The following CYC1 variants were observed in gnomAD, a reference collection of about 807,000 sequenced individuals.
CYC1 encodes cytochrome c1, heme protein, mitochondrial.
In CYC1, 10 loss-of-function variants were observed where a neutral mutation model predicts 33.8. That is an observed-to-expected ratio of 0.30 (90% CI 0.18 to 0.50). The LOEUF (loss-of-function observed/expected upper bound fraction) is 0.50. Ranked by LOEUF, CYC1 falls within the 20% of genes least tolerant of loss-of-function variation. The pLI is 0.98. For synonymous variants in CYC1, 224 were observed against 181.9 expected, an observed-to-expected ratio of 1.23 and a Z score of -1.86; for missense variants, 459 against 437.6, an observed-to-expected ratio of 1.05 and a Z score of -0.44.
chr8:144,096,887 G>T, intron 5 of CYC1, 143 bp downstream of exon 5: 1 of 1,201,840 alleles, frequency 8.3e-7, no homozygotes, highest in Non-Finnish European at 1.2e-6. Flanking sequence ...GGAGGCTTTT[G>T]GGCTCCTTCA....
chr8:144,096,163 C>T lies in CYC1; in HGVS notation c.366C>T (p.Ala122=), dbSNP rs34079907. The change falls in exon 3 of 7, where the codon GCC becomes GCT. Residue 122 remains alanine, a synonymous_variant. Transcript: ENST00000318911. The stretch of plus-strand genomic sequence containing the variant: ...TCCAGGTATATAAGCAGGTGTGCGC[C>T]TCCTGCCACAGCATGGACTTCGTGG... ...RGFQVYKQVC[A]SCHSMDFVAY... is the part of the protein sequence containing the mutation. 21 of 1,613,808 alleles carry T rather than the reference C, an allele frequency of 1.3e-5. No homozygotes were observed. In the African/African-American group the frequency reaches 2.7e-4, roughly 21 times the overall value.
chr8:144,095,357 G>A, intron 1 of CYC1, 129 bp downstream of exon 1: 1 of 804,960 alleles, frequency 1.2e-6, no homozygotes, highest in Non-Finnish European at 1.6e-6. Flanking sequence ...CCCGGTCCCA[G>A]CTGCCTGCCG....
At position 144,097,153 on chromosome 8, in the gene CYC1, C is replaced by T; in HGVS notation, c.873+19C>T. The T allele has an allele frequency of 6.2e-7, 1 of 1,611,442 alleles. No homozygotes were observed. The highest frequency in any genetic ancestry group is 8.5e-7 in the Non-Finnish European group (1 of 1,178,186). ...GCTCAAGGTAAAAGGGTTGGGAGGC[C>T]ATGGTGGGTATCAGAGAAGGGCTGG... On this transcript the variant is annotated intron_variant, in intron 6 of 6. Coordinates refer to ENST00000318911, the MANE Select transcript of CYC1 (RefSeq NM_001916.5).
At position 144,096,663 on chromosome 8, in the gene CYC1, C is replaced by G. The variant is rs757346172; in HGVS notation, c.691C>G (p.Leu231Val). ...PPTGVSLREG[L>V]YFNPYFPGQA... ...CACCGGGGTGTCACTGCGGGAAGGTCTCTACTTCAACCCCTACTTTCCTGG... is the reference window on the plus strand; with the variant it reads ...CACCGGGGTGTCACTGCGGGAAGGTGTCTACTTCAACCCCTACTTTCCTGG... Residue 231 changes from leucine to valine, a missense_variant, in exon 5 of 7, where the codon CTC becomes GTC. Transcript: ENST00000318911. 6.2e-7 allele frequency: 1 copy of G among 1,614,054 alleles called. No individual in the cohort carries two copies. The highest frequency in any genetic ancestry group is 1.1e-5 in the South Asian group (1 of 91,086).
At position 144,095,956 on chromosome 8, in the gene CYC1, A is replaced by G. The variant is rs1836141789; in HGVS notation, c.253A>G (p.Ser85Gly). The G allele has an allele frequency of 1.9e-6, 3 of 1,608,196 alleles. No individual in the cohort carries two copies. The highest frequency in any genetic ancestry group is 2.2e-5 in the South Asian group (2 of 91,066). Reference protein sequence around the residue: ...AMALHSAVSASDLELHPPSYP... With the variant: ...AMALHSAVSAGDLELHPPSYP... ...GGCTCTGCATTCGGCTGTGAGTGCCAGTGACCTGGAGCTGCACCCCCCCAG... is the reference window on the plus strand; with the variant it reads ...GGCTCTGCATTCGGCTGTGAGTGCCGGTGACCTGGAGCTGCACCCCCCCAG... Residue 85 changes from serine (S) to glycine (G), a missense_variant, in exon 2 of 7, where the codon AGT becomes GGT. Coordinates refer to ENST00000318911, the MANE Select transcript of CYC1 (RefSeq NM_001916.5).
chr8:144,095,464 T>A, intron 1 of CYC1: 1 of 421,134 alleles, frequency 2.4e-6, no homozygotes, highest in Non-Finnish European at 4.1e-6. Flanking sequence ...CTAGCTGCCG[T>A]GGCGGGGCTG....
rs1836128894 is a variant in CYC1, at chr8:144,095,382, G to A, written c.129+154G>A. The A allele has an allele frequency of 6.2e-6, 4 of 643,174 alleles. No homozygotes were observed. In the African/African-American group the frequency reaches 7.6e-5, roughly 12 times the overall value. The allele number at this position is 643,174 out of a possible 1,614,324, so 39.8% of individuals were successfully genotyped here. A position where few individuals can be genotyped will look rare whatever the true frequency, so the allele number is the denominator to read the frequency against. On this transcript the variant is annotated intron_variant, in intron 1 of 6. Transcript: ENST00000318911. Reference sequence around the variant, plus strand: ...GCTGCCTGCCGACCTTGAGCGTGTGGGATCAGGGCTGGGCGCCCACCTCTC... The same window carrying A: ...GCTGCCTGCCGACCTTGAGCGTGTGAGATCAGGGCTGGGCGCCCACCTCTC...
Position 144,096,484 on chromosome 8 carries a change from G to C in CYC1, c.601G>C (p.Val201Leu). The C allele has an allele frequency of 6.2e-7, 1 of 1,614,114 alleles. No homozygotes were observed. Among genetic ancestry groups the C allele is most frequent in the Non-Finnish European group, 8.5e-7 (1 of 1,180,016 alleles). ...GALPPDLSYI[V>L]RARHGGEDYV... ...ATTGCCCCCTGACCTCAGCTACATC[G>C]TGCGAGCTAGGTACACGGGCTGCCC... The change falls in exon 4 of 7, where the codon GTG (valine) becomes CTG (leucine). Residue 201 changes from valine (V) to leucine (L), a missense_variant. Transcript: ENST00000318911.
chr8:144,095,260 C>T, intron 1 of CYC1, 32 bp downstream of exon 1: 1 of 1,194,410 alleles, frequency 8.4e-7, no homozygotes, highest in Non-Finnish European at 1.0e-6. Context: ...GGCCTCCGCG[C>T]GGCCCCGCAT....
In CYC1 at chr8:144,096,018, G is replaced by A. The variant is rs746809086; in HGVS notation, c.315G>A (p.Leu105=). 1.9e-6 allele frequency: 3 copies of A among 1,603,740 alleles called. No homozygotes were observed. Among genetic ancestry groups the A allele is most frequent in the Non-Finnish European group, 2.5e-6 (3 of 1,177,612 alleles). ...CTCACCGTGGCCTCCTCTCTTCCTT[G>A]GACCACACCAGGTGTGCAGCTGGCT... ...PWSHRGLLSS[L]DHTSIRRGFQ... The change falls in exon 2 of 7, where the codon TTG becomes TTA. Residue 105 remains leucine, a synonymous_variant. Coordinates refer to ENST00000318911, the MANE Select transcript of CYC1 (RefSeq NM_001916.5).
At chr8:144,096,808 T>C (rs2129972255) in intron 5 of CYC1, 64 bp downstream of exon 5, 2 of 1,477,032 alleles carry the variant, frequency 1.4e-6, no homozygotes, top group African/African-American at 1.4e-5. Context: ...CAGGGATGCT[T>C]TCCCTGTGTT....
At position 144,096,350 on chromosome 8, in the gene CYC1, A is replaced by T; in HGVS notation, c.467A>T (p.Asp156Val). 1 of 1,613,098 alleles carries T rather than the reference A, an allele frequency of 6.2e-7. No individual in the cohort carries two copies. Among genetic ancestry groups the T allele is most frequent in the East Asian group, 2.2e-5 (1 of 44,856 alleles). Residue 156 changes from aspartate (D) to valine (V), a missense_variant, in exon 4 of 7, where the codon GAC (aspartate) becomes GTC (valine). Asp to Val is a radical substitution (Grantham distance 152). Coordinates refer to ENST00000318911, the MANE Select transcript of CYC1 (RefSeq NM_001916.5). ...KELAAEVEVQ[D>V]GPNEDGEMFM... ...TCTCGGTGGCAGGTGGAGGTTCAAGACGGCCCCAATGAAGATGGGGAGATG... is the reference window on the plus strand; with the variant it reads ...TCTCGGTGGCAGGTGGAGGTTCAAGTCGGCCCCAATGAAGATGGGGAGATG...
At chr8:144,096,271 T>TGGGACCC (rs770612403) in intron 3 of CYC1, 21 bp downstream of exon 3, 2 of 1,613,020 alleles carry the variant, frequency 1.2e-6, no homozygotes, top group Non-Finnish European at 1.7e-6. Context: ...TGGGGATGCC[T>TGGGACCC]GGGACCCAGG....
At chr8:144,096,960 C>A in intron 5 of CYC1, 74 bp from the exon 6 acceptor site, 1 of 1,368,852 alleles carries the variant, frequency 7.3e-7, no homozygotes, top group Non-Finnish European at 1.0e-6. Context: ...GCAGTGTCTG[C>A]TTCACAGAGG....
In CYC1 at chr8:144,097,190, G is replaced by C. The variant is rs576800870; in HGVS notation, c.874-42G>C. 4 of 1,607,576 alleles carry C rather than the reference G, an allele frequency of 2.5e-6. No individual in the cohort carries two copies. The East Asian group carries it at 6.7e-5, about 27-fold the overall frequency. ...CAGAGAAGGGCTGGGAGCTGGGCAG[G>C]GCTCCTCCCCACTCCCTTCTCTGAG... On this transcript the variant is annotated intron_variant, in intron 6 of 6. Transcript: ENST00000318911.
intron 4 of CYC1, 28 bp from the exon 5 acceptor site, chr8:144,096,556 A>G (rs1208609591): frequency 6.2e-7 from 1 of 1,613,770 alleles, no homozygotes; most frequent in Admixed American, 1.7e-5. Flanking sequence ...TTGTGCTTGG[A>G]ACTAAGGAGC....
rs1454448547 is a variant in CYC1 at position 144,095,089 on chromosome 8, A to C, written c.-11A>C. 1 of 1,199,632 alleles carries C rather than the reference A, an allele frequency of 8.3e-7. No homozygotes were observed. Among genetic ancestry groups the C allele is most frequent in the Non-Finnish European group, 1.0e-6 (1 of 966,518 alleles). The allele number at this position is 1,199,632 out of a possible 1,614,324, so 74.3% of individuals were successfully genotyped here. ...GCCGACGGGAGTGGCGGCCGCGCGGAGGAGGCCAAGATGGCGGCAGCTGCG... is the reference window on the plus strand; with the variant it reads ...GCCGACGGGAGTGGCGGCCGCGCGGCGGAGGCCAAGATGGCGGCAGCTGCG... On this transcript the variant is annotated 5_prime_UTR_variant, in exon 1 of 7. Transcript: ENST00000318911.
chr8:144,097,226 C>T lies in CYC1; in HGVS notation c.874-6C>T, dbSNP rs1836182781. 1.9e-6 allele frequency: 3 copies of T among 1,614,032 alleles called. No individual in the cohort carries two copies. The South Asian group carries it at 3.3e-5, about 18-fold the overall frequency. ...ACTCCCTTCTCTGAGCCTTCCTTGT[C>T]TGCAGATGTTGATGATGATGGCTCT... On this transcript the variant is annotated splice_region_variant and splice_polypyrimidine_tract_variant and intron_variant, in intron 6 of 6. Transcript: ENST00000318911.
Position 144,095,157 on chromosome 8 carries a change from C to A in CYC1, c.58C>A (p.Leu20Ile). ...AGTGTTGGGCCCGCGGGGCGCGGGG[C>A]TCCCGGGCGCGCGTGCCCGGGGTCT... is the stretch of plus-strand genomic sequence containing the variant. ...GVVLGPRGAG[L>I]PGARARGLLC... Residue 20 changes from leucine to isoleucine, a missense_variant, in exon 1 of 7, where the codon CTC becomes ATC. Coordinates refer to ENST00000318911, the MANE Select transcript of CYC1 (RefSeq NM_001916.5). The A allele has an allele frequency of 8.3e-7, 1 of 1,210,040 alleles. No homozygotes were observed. Among genetic ancestry groups the A allele is most frequent in the Admixed American group, 4.4e-5 (1 of 22,846 alleles). 75.0% of individuals were successfully genotyped at this position (1,210,040 alleles called of 1,614,324 possible). A position where few individuals can be genotyped will look rare whatever the true frequency, so the allele number is the denominator to read the frequency against.
Sources: allele counts gnomAD v4.1 joint callset, GRCh38; gene constraint gnomAD v4.1.1; transcripts MANE v1.5; gene names NCBI Gene and HGNC (gene_info 2026-07-23, HGNC 2026-07-21).